Variants in GATAD2A observed in about 807,000 individuals in gnomAD.
GATAD2A encodes the protein transcriptional repressor p66-alpha.
A neutral mutation model predicts 68.5 loss-of-function variants in GATAD2A; 12 were observed. The observed-to-expected ratio is 0.18, with a 90% CI of 0.11 to 0.28. GATAD2A has a LOEUF of 0.28. Ranked by LOEUF, GATAD2A falls within the 10% of genes least tolerant of loss-of-function variation. The pLI, the probability that GATAD2A is intolerant of heterozygous loss-of-function variation, is 1.00. For missense variants in GATAD2A, 755 were observed against 868.5 expected, an observed-to-expected ratio of 0.87 and a Z score of 1.64; for synonymous variants, 410 against 375.3, an observed-to-expected ratio of 1.09 and a Z score of -1.07.
intron 1 of GATAD2A, among the ~76,000 whole-genome samples, chr19:19,423,239 T>C (rs988298886): frequency 6.6e-6 from 1 of 152,200 alleles, no homozygotes; most frequent in African/African-American, 2.4e-5. Flanking sequence ...ACGCCTGGGC[T>C]CAAAGCAGTC....
rs557174985 is a variant in GATAD2A, at chr19:19,426,024, G to A, written c.-7+20005G>A. Among the ~76,000 whole-genome samples the A allele has an allele frequency of 3.5e-4, 53 of 152,192 alleles. No individual in the cohort carries two copies. In the South Asian group the frequency reaches 8.9e-3, roughly 26 times the overall value. ...GCTGGTCTCGAACTTGTAAGCTCAC[G>A]CAATCCATCCACCTCGGCCTCCCAA... On this transcript the variant is annotated intron_variant, in intron 1 of 11. Coordinates refer to ENST00000683918, the MANE Select transcript of GATAD2A (RefSeq NM_001384528.1).
intron 1 of GATAD2A, chr19:19,464,896 C>T (rs1205610679): frequency 8.5e-6 from 2 of 236,432 alleles, no homozygotes; most frequent in Non-Finnish European, 1.7e-5. Flanking sequence ...AGGCCCCGAC[C>T]CTGCTCCTGG....
In GATAD2A at chr19:19,465,511, C is replaced by T. The variant is rs764658002; in HGVS notation, c.166C>T (p.Pro56Ser). 6.2e-7 allele frequency: 1 copy of T among 1,614,016 alleles called. No individual in the cohort carries two copies. Among genetic ancestry groups the T allele is most frequent in the Non-Finnish European group, 8.5e-7 (1 of 1,179,848 alleles). Residue 56 changes from proline to serine, a missense_variant, in exon 2 of 12, where the codon CCA becomes TCA. Transcript: ENST00000683918. ...MRVTPEPGAGPTQGLLRATEA... is the reference protein window; with the variant it reads ...MRVTPEPGAGSTQGLLRATEA... ...GGTGACACCTGAGCCGGGAGCAGGT[C>T]CAACCCAAGGATTGCTGAGGGCAAC...
Position 19,508,835 on chromosome 19 carries a change from G to A in GATAD2A, c.*3361G>A, listed in dbSNP as rs751942209. 6 of 152,216 alleles carry A rather than the reference G, an allele frequency of 3.9e-5. No individual in the cohort carries two copies. The highest frequency in any genetic ancestry group is 6.5e-5 in the Admixed American group (1 of 15,282). 9.4% of individuals were successfully genotyped at this position (152,216 alleles called of 1,614,324 possible). On this transcript the variant is annotated 3_prime_UTR_variant, in exon 12 of 12. Transcript: ENST00000683918. ...AAATGTTTGCCACCAGATGGGAATA[G>A]AAGTTCCAATAAGCAGGCTGGAATG...
At chr19:19,498,865 T>A in intron 8 of GATAD2A, 143 bp downstream of exon 8, 2 of 669,052 alleles carry the variant, frequency 3.0e-6, no homozygotes, top group Admixed American at 5.5e-5. Context: ...AGGGACACCG[T>A]CAGTGCCACT....
upstream of GATAD2A, chr19:19,402,093 C>G (rs1203855347): frequency 1.3e-5 from 2 of 152,172 alleles, no homozygotes; most frequent in Non-Finnish European, 2.9e-5. Flanking sequence ...GGGTTGCACT[C>G]TGTCACCTAG....
At chr19:19,427,153 GTATT>G (rs2053195734) in intron 1 of GATAD2A, among the ~76,000 whole-genome samples, 1 of 151,978 alleles carries the variant, frequency 6.6e-6, no homozygotes, top group Admixed American at 6.6e-5. Flanking sequence ...ATGAGAGTGA[GTATT>G]TAATGGGGAT....
chr19:19,498,379 C>T (rs527967935), intron 7 of GATAD2A, 64 bp from the exon 8 acceptor site: 27 of 1,487,862 alleles, frequency 1.8e-5, no homozygotes, highest in East Asian at 1.1e-4. Flanking sequence ...GGCTTCGGGG[C>T]GCTGGGGAGC....
chr19:19,463,065 G>A (rs2057578710), intron 1 of GATAD2A, among the ~76,000 whole-genome samples: 1 of 152,108 alleles, frequency 6.6e-6, no homozygotes, highest in Non-Finnish European at 1.5e-5. Context: ...TAGTTATAAG[G>A]CCAGACTGGG....
chr19:19,466,406 C>G (rs4808961), intron 2 of GATAD2A, among the ~76,000 whole-genome samples: 67,716 of 152,014 alleles, frequency 0.45, 16,373 homozygotes, highest in African/African-American at 0.63. Context: ...GGCTGGCCCT[C>G]TGACAAACTC....
At chr19:19,496,392 C>T (rs1188786170) in intron 7 of GATAD2A, among the ~76,000 whole-genome samples, 173 bp downstream of exon 7, 1 of 152,190 alleles carries the variant, frequency 6.6e-6, no homozygotes, top group African/African-American at 2.4e-5. Flanking sequence ...GGCCACAGGG[C>T]TGTCTGGGTC....
In GATAD2A at chr19:19,392,692, GT is replaced by G. The variant is rs35476291; in HGVS notation, c.-7+6571del. On this transcript the variant is annotated intron_variant, in intron 1 of 11. Transcript: ENST00000360315. The stretch of plus-strand genomic sequence containing the variant: ...GGCGTGAGCCACTGCGTCCGGTCAA[GT>G]TTTTTTTTTTTTTTTTGAAACAGAG... Among the ~76,000 whole-genome samples, 224 of 131,456 alleles carry G rather than the reference GT, an allele frequency of 1.7e-3. 1 individual carries two copies. The highest frequency in any genetic ancestry group is 1.6e-3 in the African/African-American group (55 of 35,170). The allele number at this position is 131,456 out of a possible 152,430, so 86.2% of individuals were successfully genotyped here.
intron 8 of GATAD2A, among the ~76,000 whole-genome samples, chr19:19,498,982 G>T (rs551932330): frequency 6.6e-6 from 1 of 152,332 alleles, no homozygotes; most frequent in Non-Finnish European, 1.5e-5. Flanking sequence ...GTTGGCGTGT[G>T]GTGGGGTAGA....
At chr19:19,457,108 C>T (rs1258527657) in intron 1 of GATAD2A, 1 of 985,322 alleles carries the variant, frequency 1.0e-6, no homozygotes, top group African/African-American at 1.7e-5. Context: ...TCTGTGACAC[C>T]TCTGCCCACG....
chr19:19,459,855 C>A (rs567356959), intron 1 of GATAD2A, among the ~76,000 whole-genome samples: 1 of 152,216 alleles, frequency 6.6e-6, no homozygotes, highest in African/African-American at 2.4e-5. Context: ...CTTGGAACAC[C>A]TTTCTGTCTC....
chr19:19,483,974 CTCTT>C (rs771538173), intron 2 of GATAD2A, among the ~76,000 whole-genome samples: 1 of 151,970 alleles, frequency 6.6e-6, no homozygotes, highest in Non-Finnish European at 1.5e-5. Context: ...CAACAGAGCT[CTCTT>C]TCTATCAGCT....
chr19:19,493,062 TC>T (rs1268841483), intron 4 of GATAD2A, among the ~76,000 whole-genome samples: 8 of 151,534 alleles, frequency 5.3e-5, no homozygotes, highest in Non-Finnish European at 2.9e-5. Flanking sequence ...CGCCTCAGCC[TC>T]CCGAGTAGCT....
chr19:19,505,492 G>A lies in GATAD2A; in HGVS notation c.*18G>A. 1 of 1,558,258 alleles carries A rather than the reference G, an allele frequency of 6.4e-7. No homozygotes were observed. Among genetic ancestry groups the A allele is most frequent in the East Asian group, 2.4e-5 (1 of 41,080 alleles). On this transcript the variant is annotated 3_prime_UTR_variant, in exon 12 of 12. Coordinates refer to ENST00000683918, the MANE Select transcript of GATAD2A (RefSeq NM_001384528.1). ...GGAAATAGTGCGAGCCAGGCCCCGTGGAAGACGGGCTCCCTCCTCCCCCAC... is the reference window on the plus strand; with the variant it reads ...GGAAATAGTGCGAGCCAGGCCCCGTAGAAGACGGGCTCCCTCCTCCCCCAC...
intron 1 of GATAD2A, among the ~76,000 whole-genome samples, chr19:19,446,096 G>A (rs973366362): frequency 1.3e-5 from 2 of 152,108 alleles, no homozygotes; most frequent in South Asian, 2.1e-4. Flanking sequence ...TCACTCTACC[G>A]TTTTACTTTC....
Sources: allele counts gnomAD v4.1 joint callset (sites outside exome capture counted in the v4.1 genomes callset), GRCh38; gene constraint gnomAD v4.1.1; transcripts MANE v1.5; gene names NCBI Gene and HGNC (gene_info 2026-07-23, HGNC 2026-07-21).